Variants in RASGEF1C observed in about 807,000 individuals in gnomAD.
RASGEF1C encodes RasGEF domain family member 1C.
A neutral mutation model predicts 58.1 loss-of-function variants in RASGEF1C; 27 were observed. That is an observed-to-expected ratio of 0.46 (90% CI 0.34 to 0.64). The LOEUF (loss-of-function observed/expected upper bound fraction) is 0.64. RASGEF1C is among the 30% of genes least tolerant of loss of function. RASGEF1C has a pLI of 0.01. For missense variants in RASGEF1C, 502 were observed against 605.1 expected (o/e 0.83, Z 1.79); for synonymous variants, 243 against 246.3 (o/e 0.99, Z 0.13).
rs146808303 is a variant in RASGEF1C, at chr5:180,200,747, T to C, written c.-7+8281A>G. ...AATATGGACCAAGCAGGAGAGCAAA[T>C]AAAACCATCCATGCCCATGCCTCCA... On this transcript the variant is annotated intron_variant, in intron 1 of 13. Coordinates refer to ENST00000361132, the MANE Select transcript of RASGEF1C (RefSeq NM_175062.4). Among the ~76,000 whole-genome samples, 487 of 151,842 alleles carry C rather than the reference T, an allele frequency of 3.2e-3. 2 individuals are homozygous for C. Among genetic ancestry groups the C allele is most frequent in the African/African-American group, 0.011 (462 of 41,410 alleles).
chr5:180,145,821 C>T (rs1379694606), intron 1 of RASGEF1C, among the ~76,000 whole-genome samples: 1 of 152,208 alleles, frequency 6.6e-6, no homozygotes, highest in African/African-American at 2.4e-5. Context: ...ATGGCTGCTG[C>T]TGGGACCTCT....
chr5:180,190,541 C>T (rs551312999), intron 1 of RASGEF1C, among the ~76,000 whole-genome samples: 67 of 138,242 alleles, frequency 4.8e-4, no homozygotes, highest in Middle Eastern at 7.2e-3. Context: ...TAGCCAGGCA[C>T]GGTGGTACAT....
intron 1 of RASGEF1C, among the ~76,000 whole-genome samples, chr5:180,205,717 ATT>A (rs1491062279): frequency 1.2e-3 from 16 of 13,346 alleles, no homozygotes; most frequent in Middle Eastern, 0.071. Flanking sequence ...TTATTATAAT[ATT>A]ATTATTATTA....
rs529839539 is a variant in RASGEF1C, at chr5:180,137,278, G to A, written c.300+312C>T. Among the ~76,000 whole-genome samples, 137 of 152,288 alleles carry A rather than the reference G, an allele frequency of 9.0e-4. No individual in the cohort carries two copies. Among genetic ancestry groups the A allele is most frequent in the Admixed American group, 2.9e-3 (45 of 15,304 alleles). ...ACTGGGAAGGTGGAGCGGATGTGCT[G>A]GGGGAAGGAAGCCCACCAGAGGCAG... On this transcript the variant is annotated intron_variant, in intron 3 of 13. Coordinates refer to ENST00000361132, the MANE Select transcript of RASGEF1C (RefSeq NM_175062.4). This position sits in a 1 kb window ranked among gnomAD's most constrained non-coding sequence, Gnocchi z 4.1.
chr5:180,174,929 C>T (rs1183222450), intron 1 of RASGEF1C, among the ~76,000 whole-genome samples: 1 of 152,202 alleles, frequency 6.6e-6, no homozygotes, highest in Non-Finnish European at 1.5e-5. Flanking sequence ...CTCTTGCAGA[C>T]TTGAACTGAT....
At chr5:180,182,564 C>T (rs548823414) in intron 1 of RASGEF1C, among the ~76,000 whole-genome samples, 1 of 152,074 alleles carries the variant, frequency 6.6e-6, no homozygotes, top group Admixed American at 6.5e-5. Flanking sequence ...GCTGATTGGT[C>T]CATTTTATAG....
chr5:180,155,303 G>A lies in RASGEF1C; in HGVS notation c.-6-17245C>T, dbSNP rs1159963015. Among the ~76,000 whole-genome samples, 2 of 152,096 alleles carry A rather than the reference G, an allele frequency of 1.3e-5. No homozygotes were observed. Among genetic ancestry groups the A allele is most frequent in the Non-Finnish European group, 2.9e-5 (2 of 68,020 alleles). On this transcript the variant is annotated intron_variant, in intron 1 of 13. Coordinates refer to ENST00000361132, the MANE Select transcript of RASGEF1C (RefSeq NM_175062.4). This position sits in a 1 kb window ranked among gnomAD's most constrained non-coding sequence, Gnocchi z 5.2. ...TCTCCTTGGAAGAGCCTGGAGCCTGGACACACATTTCATTTCCATTTGGGT... is the reference window on the plus strand; with the variant it reads ...TCTCCTTGGAAGAGCCTGGAGCCTGAACACACATTTCATTTCCATTTGGGT...
At chr5:180,136,686 G>GA (rs1230388419) in intron 3 of RASGEF1C, 171 bp from the exon 4 acceptor site, 3 of 648,732 alleles carry the variant, frequency 4.6e-6, no homozygotes, top group African/African-American at 4.3e-5. Flanking sequence ...GGGGAGAGGA[G>GA]GGGGGACGGA....
chr5:180,122,790 C>T (rs2113259064), intron 6 of RASGEF1C, among the ~76,000 whole-genome samples: 1 of 149,140 alleles, frequency 6.7e-6, no homozygotes, highest in South Asian at 2.1e-4. Flanking sequence ...AAAAAAATCC[C>T]CAAAAAACTG....
intron 1 of RASGEF1C, among the ~76,000 whole-genome samples, chr5:180,165,438 G>A (rs1767005691): frequency 6.6e-6 from 1 of 152,188 alleles, no homozygotes. Context: ...GGGAGGCTGA[G>A]GCAGGTAGAT....
intron 1 of RASGEF1C, among the ~76,000 whole-genome samples, chr5:180,179,565 C>G (rs996921854): frequency 1.3e-5 from 2 of 152,176 alleles, no homozygotes; most frequent in Non-Finnish European, 2.9e-5. Flanking sequence ...GGAGCTAACC[C>G]AGCAAGAAAG....
intron 1 of RASGEF1C, among the ~76,000 whole-genome samples, chr5:180,162,435 G>C (rs1297043231): frequency 6.6e-6 from 1 of 152,218 alleles, no homozygotes; most frequent in African/African-American, 2.4e-5. Context: ...CCACGGCCTG[G>C]GCGTGTAACT....
rs569708520 is a variant in RASGEF1C at position 180,118,865 on chromosome 5, G to A, written c.909C>T (p.Ser303=). The change falls in exon 9 of 14, where the codon TCC becomes TCT. Residue 303 remains serine (S), a splice_region_variant and synonymous_variant. Coordinates refer to ENST00000361132, the MANE Select transcript of RASGEF1C (RefSeq NM_175062.4). The stretch of plus-strand genomic sequence containing the variant: ...TGGAGACAGGGCTCATGTTCATGCC[G>A]GCTGGAAGAGGGAGGAGGGTTGGAG... ...GNFNSLMAII[S]GMNMSPVSRL... 3.1e-5 allele frequency: 50 copies of A among 1,614,140 alleles called. No homozygotes were observed. Among genetic ancestry groups the A allele is most frequent in the South Asian group, 1.3e-4 (12 of 91,084 alleles).
At chr5:180,102,027 C>T in intron 13 of RASGEF1C, 44 bp downstream of exon 13, 1 of 954,808 alleles carries the variant, frequency 1.0e-6, no homozygotes, top group Non-Finnish European at 1.6e-6. Flanking sequence ...TAGAGCTTTC[C>T]ATCCCAAGCA....
chr5:180,191,518 G>A (rs542484404), intron 1 of RASGEF1C, among the ~76,000 whole-genome samples: 28 of 152,042 alleles, frequency 1.8e-4, no homozygotes, highest in East Asian at 3.9e-4. Context: ...CACCACGGCC[G>A]GCTGATTTTT....
chr5:180,125,717 G>A (rs1357272464), intron 6 of RASGEF1C, among the ~76,000 whole-genome samples: 2 of 152,072 alleles, frequency 1.3e-5, no homozygotes, highest in African/African-American at 4.8e-5. Flanking sequence ...GGGAGGTGGA[G>A]GTTGCAATGA....
intron 1 of RASGEF1C, among the ~76,000 whole-genome samples, chr5:180,205,515 C>T (rs1581134418): frequency 6.6e-6 from 1 of 152,020 alleles, no homozygotes; most frequent in South Asian, 2.1e-4. Flanking sequence ...AGTTAATATA[C>T]AAGCCTAATA....
At position 180,101,075 on chromosome 5, in the gene RASGEF1C, A is replaced by T. The variant is rs536803755; in HGVS notation, c.*426T>A. 1 of 180,186 alleles carries T rather than the reference A, an allele frequency of 5.5e-6. No individual in the cohort carries two copies. The highest frequency in any genetic ancestry group is 2.3e-5 in the African/African-American group (1 of 42,712). 11.2% of individuals were successfully genotyped at this position (180,186 alleles called of 1,614,324 possible). A position where few individuals can be genotyped will look rare whatever the true frequency, so the allele number is the denominator to read the frequency against. ...CGCAGGCATCTCACGTCGCACCGTG[A>T]TGCCTGCTGTGGCTCCAGAAGTTCC... On this transcript the variant is annotated 3_prime_UTR_variant, in exon 14 of 14. Transcript: ENST00000361132.
intron 13 of RASGEF1C, 109 bp downstream of exon 13, chr5:180,101,962 C>G: frequency 1.2e-6 from 1 of 805,482 alleles, no homozygotes; most frequent in Non-Finnish European, 2.1e-6. Context: ...AGCCCCTCGG[C>G]CCTGTCCTGG....
Sources: allele counts gnomAD v4.1 joint callset (sites outside exome capture counted in the v4.1 genomes callset), GRCh38; gene constraint gnomAD v4.1.1; non-coding constraint Gnocchi (gnomAD v3.1); transcripts MANE v1.5; gene names NCBI Gene and HGNC (gene_info 2026-07-23, HGNC 2026-07-21).